VPS13C: variants seen among roughly 807,000 people sequenced by gnomAD.
The protein encoded by VPS13C is intermembrane lipid transfer protein VPS13C.
VPS13C carries 358 observed loss-of-function variants against 456.8 expected under a neutral mutation model. That is an observed-to-expected ratio of 0.78 (90% CI 0.72 to 0.86). The LOEUF (loss-of-function observed/expected upper bound fraction) is 0.86. Among genes scored for constraint, VPS13C ranks in the 40% least tolerant of loss-of-function variants. The pLI is 0.00. For synonymous variants in VPS13C, 1,578 were observed against 1,486.7 expected (o/e 1.06, Z -1.41); for missense variants, 4,818 against 4,385.4 (o/e 1.10, Z -2.79).
intron 62 of VPS13C, 30 bp downstream of exon 62, chr15:61,913,281 T>A (rs753436289): frequency 8.2e-6 from 13 of 1,592,368 alleles, no homozygotes; most frequent in Middle Eastern, 1.7e-4. Context: ...GTGAACGGAA[T>A]CAAAGGTAAA....
intron 66 of VPS13C, among the ~76,000 whole-genome samples, chr15:61,901,978 T>C (rs1330952279): frequency 1.3e-5 from 2 of 151,856 alleles, no homozygotes; most frequent in African/African-American, 4.8e-5. Flanking sequence ...TGGATGAAAC[T>C]GGAAATCATC....
chr15:61,911,696 T>C, intron 63 of VPS13C, 144 bp downstream of exon 63: 1 of 839,742 alleles, frequency 1.2e-6, no homozygotes, highest in Non-Finnish European at 1.7e-6. Context: ...AAAAATATAG[T>C]AAGAGAAAAA....
chr15:61,903,265 G>A (rs1212197421), intron 66 of VPS13C, among the ~76,000 whole-genome samples: 1 of 152,036 alleles, frequency 6.6e-6, no homozygotes, highest in Non-Finnish European at 1.5e-5. Flanking sequence ...GAGCCTGGGA[G>A]GTTGAGGCTG....
At chr15:61,951,085 G>C (rs1454192095) in intron 39 of VPS13C, 61 bp from the exon 40 acceptor site, 2 of 1,100,078 alleles carry the variant, frequency 1.8e-6, no homozygotes, top group Non-Finnish European at 2.6e-6. Flanking sequence ...TTTTAAAACA[G>C]GACCAGCCAA....
intron 37 of VPS13C, among the ~76,000 whole-genome samples, 177 bp from the exon 38 acceptor site, chr15:61,954,731 TACAA>T (rs753731230): frequency 2.9e-4 from 44 of 152,192 alleles, no homozygotes; most frequent in Middle Eastern, 3.4e-3. Flanking sequence ...ACATTTAAAA[TACAA>T]ACAAACAAGC....
intron 7 of VPS13C, 104 bp downstream of exon 7, chr15:62,023,676 T>G (rs2047538752): frequency 1.4e-5 from 18 of 1,290,406 alleles, no homozygotes; most frequent in Non-Finnish European, 1.8e-5. Context: ...TAAAACTTGT[T>G]TTTGAATTTA....
At chr15:62,034,519 A>G (rs532848731) in intron 4 of VPS13C, among the ~76,000 whole-genome samples, 3 of 151,878 alleles carry the variant, frequency 2.0e-5, no homozygotes, top group African/African-American at 7.2e-5. Flanking sequence ...AAAATTACCA[A>G]TTATACACAT....
At position 62,033,417 on chromosome 15, in the gene VPS13C, G is replaced by C. The variant is rs760552658; in HGVS notation, c.385+24C>G. 1.1e-5 allele frequency: 16 copies of C among 1,522,686 alleles called. No homozygotes were observed. The South Asian group carries it at 1.9e-4, about 18-fold the overall frequency. 94.3% of individuals were successfully genotyped at this position (1,522,686 alleles called of 1,614,324 possible). ...ATATCTAAAATATAGGTATGTCTAA[G>C]TTTATCTCAAAAAAACTTTTTACCT... is the stretch of plus-strand genomic sequence containing the variant. On this transcript the variant is annotated intron_variant, in intron 5 of 84. Coordinates refer to ENST00000644861, the MANE Select transcript of VPS13C (RefSeq NM_020821.3).
chr15:61,962,770 A>G lies in VPS13C; in HGVS notation c.3414T>C (p.Asp1138=). The change falls in exon 33 of 85, where the codon GAT becomes GAC. Residue 1138 remains aspartate (D), a synonymous_variant. Coordinates refer to ENST00000644861, the MANE Select transcript of VPS13C (RefSeq NM_020821.3). ...RLENIIVTDV[D]PKTVHKKAVS... ...CTACTTTCTTATGAACTGTCTTTGG[A>G]TCAACATCTGTGACAATAATATTTT... 1 of 1,605,246 alleles carries G rather than the reference A, an allele frequency of 6.2e-7. No individual in the cohort carries two copies. The highest frequency in any genetic ancestry group is 2.2e-5 in the East Asian group (1 of 44,652).
chr15:61,901,284 T>C (rs1487776330), intron 66 of VPS13C, among the ~76,000 whole-genome samples: 3 of 152,034 alleles, frequency 2.0e-5, no homozygotes, highest in Non-Finnish European at 4.4e-5. Flanking sequence ...CTAAAGAGCT[T>C]CTGCACAGCA....
chr15:61,949,434 AATT>A lies in VPS13C; in HGVS notation c.4759+6_4759+8del. On this transcript the variant is annotated splice_donor_region_variant and intron_variant, in intron 42 of 84. Coordinates refer to ENST00000644861, the MANE Select transcript of VPS13C (RefSeq NM_020821.3). ...AAGTATTATTAGATCATAATTCAAA[AATT>A]ATTACCAGCTTTGACAGCGATACTT... is the stretch of plus-strand genomic sequence containing the variant. 1.2e-6 allele frequency: 2 copies of A among 1,601,994 alleles called. No individual in the cohort carries two copies. Among genetic ancestry groups the A allele is most frequent in the African/African-American group, 1.4e-5 (1 of 74,042 alleles).
chr15:61,937,886 C>T (rs1347901465), intron 47 of VPS13C, among the ~76,000 whole-genome samples: 1 of 152,276 alleles, frequency 6.6e-6, no homozygotes, highest in Non-Finnish European at 1.5e-5. Context: ...GTCTTTGAAG[C>T]TCCTTATCCT....
At chr15:61,964,882 AAATT>A in intron 30 of VPS13C, 21 bp from the exon 31 acceptor site, 2 of 1,591,314 alleles carry the variant, frequency 1.3e-6, no homozygotes, top group Non-Finnish European at 1.7e-6. Context: ...TTTAAAGAGA[AAATT>A]AGTTTTCCAC....
intron 16 of VPS13C, among the ~76,000 whole-genome samples, chr15:61,992,563 TAA>T (rs761450228): frequency 1.3e-5 from 2 of 152,124 alleles, no homozygotes; most frequent in Non-Finnish European, 2.9e-5. Flanking sequence ...AAGATAAAAG[TAA>T]AGAGTTGAAT....
chr15:61,868,421 CTTAACA>C (rs1260677962), intron 81 of VPS13C, among the ~76,000 whole-genome samples: 1 of 152,012 alleles, frequency 6.6e-6, no homozygotes, highest in African/African-American at 2.4e-5. Context: ...TAGCCTATGA[CTTAACA>C]TTATCTTTTC....
At chr15:61,945,585 A>T in intron 45 of VPS13C, 130 bp downstream of exon 45, 1 of 581,122 alleles carries the variant, frequency 1.7e-6, no homozygotes, top group Non-Finnish European at 2.8e-6. Flanking sequence ...TTTAAATATT[A>T]ACATTCTGTT....
intron 37 of VPS13C, among the ~76,000 whole-genome samples, chr15:61,957,660 T>G (rs945181714): frequency 6.6e-6 from 1 of 152,108 alleles, no homozygotes; most frequent in Non-Finnish European, 1.5e-5. Context: ...CTATCGAAAT[T>G]ATTTGCTGAC....
chr15:62,037,243 T>A (rs1282901129), intron 3 of VPS13C, among the ~76,000 whole-genome samples: 6 of 27,752 alleles, frequency 2.2e-4, no homozygotes, highest in Non-Finnish European at 3.9e-4. Flanking sequence ...TATAAATATA[T>A]ATAATATATT....
At chr15:61,907,163 T>G in intron 66 of VPS13C, 101 bp downstream of exon 66, 1 of 1,565,876 alleles carries the variant, frequency 6.4e-7, no homozygotes, top group Non-Finnish European at 8.8e-7. Context: ...TACTTCCAAT[T>G]CACTTTTAGT....
Sources: gnomAD v4.1 joint callset for allele counts (sites outside exome capture counted in the v4.1 genomes callset) on GRCh38, gnomAD v4.1.1 for gene constraint, MANE v1.5 for transcripts, NCBI Gene and HGNC (gene_info 2026-07-23, HGNC 2026-07-21) for gene names.